Variants in MRTFA observed in about 807,000 individuals in gnomAD.
MRTFA encodes myocardin-related transcription factor A.
A neutral mutation model predicts 83.5 loss-of-function variants in MRTFA; 20 were observed. The ratio of observed to expected loss-of-function variants is 0.24; its 90% CI spans 0.17 to 0.35. The LOEUF is 0.35. Among genes scored for constraint, MRTFA ranks in the 10% least tolerant of loss-of-function variants. The pLI, the probability that MRTFA is intolerant of heterozygous loss-of-function variation, is 1.00. For synonymous variants in MRTFA, 659 were observed against 541.2 expected, an observed-to-expected ratio of 1.22 and a Z score of -3.02; for missense variants, 1,200 against 1,224.7, an observed-to-expected ratio of 0.98 and a Z score of 0.30.
chr22:40,628,116 T>C (rs558124673), intron 1 of MRTFA, among the ~76,000 whole-genome samples: 55 of 152,344 alleles, frequency 3.6e-4, no homozygotes, highest in South Asian at 3.1e-3. Flanking sequence ...CAATGTCTAC[T>C]ATAAAGTAGA....
intron 1 of MRTFA, among the ~76,000 whole-genome samples, chr22:40,620,033 A>G (rs1262747032): frequency 2.0e-5 from 3 of 151,582 alleles, no homozygotes; most frequent in Admixed American, 6.6e-5. Flanking sequence ...TCTTGGCTCA[A>G]TGCAGCCTCC....
intron 3 of MRTFA, among the ~76,000 whole-genome samples, chr22:40,533,394 T>G (rs1052323211): frequency 1.3e-5 from 2 of 152,154 alleles, no homozygotes; most frequent in Admixed American, 6.6e-5. Flanking sequence ...ACCATCTAAT[T>G]CAAAGCTGTC....
chr22:40,600,558 T>C (rs2056246755), intron 1 of MRTFA, among the ~76,000 whole-genome samples: 1 of 152,090 alleles, frequency 6.6e-6, no homozygotes, highest in South Asian at 2.1e-4. Context: ...CTGTATATAT[T>C]AAAAAGGGAG....
At position 40,513,636 on chromosome 22, in the gene MRTFA, G is replaced by C. The variant is rs765474927; in HGVS notation, c.241+38470C>G. Among the ~76,000 whole-genome samples, 130 of 138,606 alleles carry C rather than the reference G, an allele frequency of 9.4e-4. 1 individual carries two copies. The Middle Eastern group carries it at 0.024, about 26-fold the overall frequency. The allele number at this position is 138,606 out of a possible 152,430, so 90.9% of individuals were successfully genotyped here. On this transcript the variant is annotated intron_variant, in intron 3 of 14. Transcript: ENST00000355630. ...AAAAAAAAGAAAAAGAAAAGGAAAA[G>C]ACAAAATGCTTGCCATTTAAAAAAA... is the stretch of plus-strand genomic sequence containing the variant.
At chr22:40,585,424 G>A (rs1227470177) in intron 2 of MRTFA, among the ~76,000 whole-genome samples, 1 of 152,042 alleles carries the variant, frequency 6.6e-6, no homozygotes, top group Non-Finnish European at 1.5e-5. Flanking sequence ...AGGGAATAGG[G>A]ACTTATTTGT....
rs184598456 is a variant in MRTFA at position 40,629,631 on chromosome 22, C to G, written c.-84+6847G>C. On this transcript the variant is annotated intron_variant, in intron 1 of 14. Transcript: ENST00000355630. ...AATATATACATATACAAAAAATTAGCTGGGCGTGGTGGTGGGTGCCTATAA... is the reference window on the plus strand; with the variant it reads ...AATATATACATATACAAAAAATTAGGTGGGCGTGGTGGTGGGTGCCTATAA... 8.9e-4 allele frequency among the ~76,000 whole-genome samples: 135 copies of G among 151,050 alleles called. 1 individual carries two copies. In the Middle Eastern group the frequency reaches 0.021, roughly 23 times the overall value.
Position 40,411,147 on chromosome 22 carries a change from C to T in MRTFA, c.*243G>A, listed in dbSNP as rs879523503. Reference sequence around the variant, plus strand: ...AAGCTGAAATGGCCCTGACCCTGACCGTGTGTCCAAAACCCCAGCGTGAGA... The same window carrying T: ...AAGCTGAAATGGCCCTGACCCTGACTGTGTGTCCAAAACCCCAGCGTGAGA... On this transcript the variant is annotated 3_prime_UTR_variant, in exon 15 of 15. Transcript: ENST00000355630. 8 of 403,780 alleles carry T rather than the reference C, an allele frequency of 2.0e-5. No individual in the cohort carries two copies. Among genetic ancestry groups the T allele is most frequent in the South Asian group, 9.1e-5 (1 of 10,932 alleles). The allele number at this position is 403,780 out of a possible 1,614,324, so 25.0% of individuals were successfully genotyped here.
At chr22:40,459,820 C>CACACACATAT (rs1602278609) in intron 4 of MRTFA, among the ~76,000 whole-genome samples, 1 of 82,938 alleles carries the variant, frequency 1.2e-5, no homozygotes, top group African/African-American at 5.6e-5. Context: ...CACACACACA[C>CACACACATAT]ACATATATAC....
chr22:40,442,085 G>A (rs551704609), intron 4 of MRTFA, among the ~76,000 whole-genome samples: 1 of 152,130 alleles, frequency 6.6e-6, no homozygotes, highest in Non-Finnish European at 1.5e-5. Flanking sequence ...AAACAAGTAG[G>A]TAAATGAGTC....
Position 40,410,795 on chromosome 22 carries a change from A to ATATG in MRTFA, c.*591_*594dup, listed in dbSNP as rs1205942574. On this transcript the variant is annotated 3_prime_UTR_variant, in exon 15 of 15. Coordinates refer to ENST00000355630, the MANE Select transcript of MRTFA (RefSeq NM_020831.6). ...CCTGTCCGCCCCCCCCCAAAAATAT[A>ATATG]TATGTATGTCGATATATAATATAGA... 5.6e-5 allele frequency: 13 copies of ATATG among 232,218 alleles called. No individual in the cohort carries two copies. In the East Asian group the frequency reaches 6.7e-4, roughly 12 times the overall value. The allele number at this position is 232,218 out of a possible 1,614,324, so 14.4% of individuals were successfully genotyped here.
At position 40,616,615 on chromosome 22, in the gene MRTFA, C is replaced by G. The variant is rs573107642; in HGVS notation, c.-84+19863G>C. Among the ~76,000 whole-genome samples the G allele has an allele frequency of 2.0e-5, 3 of 152,214 alleles. No homozygotes were observed. In the East Asian group the frequency reaches 5.8e-4, roughly 29 times the overall value. On this transcript the variant is annotated intron_variant, in intron 1 of 14. Transcript: ENST00000355630. ...GACGTGAGGAGGAAAAGGGAGATGC[C>G]AAAGATTCCCCTTCAGGTTTCTGAC... is the stretch of plus-strand genomic sequence containing the variant.
At chr22:40,523,149 T>A (rs962657190) in intron 3 of MRTFA, among the ~76,000 whole-genome samples, 8 of 151,772 alleles carry the variant, frequency 5.3e-5, no homozygotes, top group East Asian at 1.9e-4. Flanking sequence ...AGTTGTCAAA[T>A]TGTGAACGTT....
At chr22:40,538,333 G>A (rs1420884846) in intron 3 of MRTFA, among the ~76,000 whole-genome samples, 2 of 142,090 alleles carry the variant, frequency 1.4e-5, no homozygotes, top group African/African-American at 2.6e-5. Context: ...TAAGGGCGGT[G>A]CAAGATGTGC....
chr22:40,596,293 T>G (rs1010646078), intron 1 of MRTFA, among the ~76,000 whole-genome samples: 2 of 151,974 alleles, frequency 1.3e-5, no homozygotes, highest in Admixed American at 6.6e-5. Flanking sequence ...GAAAATAAAT[T>G]TAGAGGTTTG....
At chr22:40,529,630 CATGT>C (rs2055040448) in intron 3 of MRTFA, among the ~76,000 whole-genome samples, 3 of 152,006 alleles carry the variant, frequency 2.0e-5, no homozygotes, top group South Asian at 4.1e-4. Flanking sequence ...AAATAGATAA[CATGT>C]ATGTGGTATA....
intron 4 of MRTFA, among the ~76,000 whole-genome samples, chr22:40,440,149 CT>C (rs1569266109): frequency 8.2e-6 from 1 of 122,554 alleles, no homozygotes. Context: ...GAGACTCCGT[CT>C]CAAAAAAAAA....
intron 4 of MRTFA, among the ~76,000 whole-genome samples, chr22:40,458,623 G>C (rs2053638051): frequency 6.6e-6 from 1 of 152,106 alleles, no homozygotes; most frequent in South Asian, 2.1e-4. Context: ...TTCCTTCCTG[G>C]AGGCAGCAAA....
intron 3 of MRTFA, among the ~76,000 whole-genome samples, chr22:40,513,688 C>A (rs549641283): frequency 5.4e-4 from 81 of 150,900 alleles, no homozygotes; most frequent in Non-Finnish European, 1.1e-3. Context: ...CTTAAATATG[C>A]CACAATGATC....
In MRTFA at chr22:40,410,928, C is replaced by T; in HGVS notation, c.*462G>A. 4.3e-6 allele frequency: 1 copy of T among 230,322 alleles called. No homozygotes were observed. Among genetic ancestry groups the T allele is most frequent in the East Asian group, 6.2e-5 (1 of 16,176 alleles). 14.3% of individuals were successfully genotyped at this position (230,322 alleles called of 1,614,324 possible). The stretch of plus-strand genomic sequence containing the variant: ...CCTGGGATCCTGGGGTTGGCAGACA[C>T]AGGGAATAGGGGGTAGAGGCCCAGG... On this transcript the variant is annotated 3_prime_UTR_variant, in exon 15 of 15. Transcript: ENST00000355630.
Sources: allele counts gnomAD v4.1 joint callset (sites outside exome capture counted in the v4.1 genomes callset), GRCh38; gene constraint gnomAD v4.1.1; transcripts MANE v1.5; gene names NCBI Gene and HGNC (gene_info 2026-07-23, HGNC 2026-07-21).